The following COL1A2 variants were observed in gnomAD, a reference collection of about 807,000 sequenced individuals.
The protein encoded by COL1A2 is collagen alpha-2(I) chain.
In COL1A2, 49 loss-of-function variants were observed where a neutral mutation model predicts 174.3. That is an observed-to-expected ratio of 0.28 (90% CI 0.22 to 0.36). The LOEUF (loss-of-function observed/expected upper bound fraction) is 0.36. COL1A2 is among the 10% of genes least tolerant of loss of function. COL1A2 has a pLI of 1.00. For missense variants in COL1A2, 1,438 were observed against 1,822.7 expected (o/e 0.79, Z 3.84); for synonymous variants, 655 against 606.6 (o/e 1.08, Z -1.17).
rs1399513757 is a variant in COL1A2 at position 94,414,239 on chromosome 7, A to G, written c.1683A>G (p.Ser561=). ...ATTTTTAGGGTCTGCCTGGCCCCTCAGGTCCCGCTGGTGAAGTTGGCAAAC... is the reference window on the plus strand; with the variant it reads ...ATTTTTAGGGTCTGCCTGGCCCCTCGGGTCCCGCTGGTGAAGTTGGCAAAC... The part of the protein sequence containing the change: ...PPGFQGLPGP[S]GPAGEVGKPG... Residue 561 remains serine (S), a synonymous_variant, in exon 29 of 52, where the codon TCA becomes TCG. Transcript: ENST00000297268. The G allele has an allele frequency of 1.4e-5, 22 of 1,613,688 alleles. No homozygotes were observed. Among genetic ancestry groups the G allele is most frequent in the Non-Finnish European group, 1.7e-5 (20 of 1,179,924 alleles).
intron 4 of COL1A2, among the ~76,000 whole-genome samples, chr7:94,399,608 A>G (rs573448780): frequency 2.0e-4 from 31 of 152,228 alleles, no homozygotes; most frequent in Non-Finnish European, 3.7e-4. Flanking sequence ...ACTTTTGCCA[A>G]TATATGAATA....
At chr7:94,407,071 G>A (rs1791817685) in intron 12 of COL1A2, among the ~76,000 whole-genome samples, 1 of 152,142 alleles carries the variant, frequency 6.6e-6, no homozygotes, top group East Asian at 1.9e-4. Flanking sequence ...GCTGCAAGGA[G>A]CTTTGGAGAC....
At position 94,399,087 on chromosome 7, in the gene COL1A2, G is replaced by A. The variant is rs1262984429; in HGVS notation, c.132+3G>A. ...ATAGAGGACCACGTGGAGAAAGGGT[G>A]TGTAATTTTTGAACTATAAAGGGCT... On this transcript the variant is annotated splice_donor_region_variant and intron_variant, in intron 4 of 51. Transcript: ENST00000297268. 2 of 1,613,484 alleles carry A rather than the reference G, an allele frequency of 1.2e-6. No homozygotes were observed. The highest frequency in any genetic ancestry group is 1.3e-5 in the African/African-American group (1 of 74,894).
chr7:94,411,814 A>C (rs1791933899), intron 23 of COL1A2, among the ~76,000 whole-genome samples: 1 of 152,210 alleles, frequency 6.6e-6, no homozygotes, highest in Non-Finnish European at 1.5e-5. Context: ...CATGTTGCTT[A>C]ACAGTTTCTT....
chr7:94,404,888 A>C lies in COL1A2; in HGVS notation c.428A>C (p.Glu143Ala). The C allele has an allele frequency of 2.5e-6, 4 of 1,614,014 alleles. No individual in the cohort carries two copies. The highest frequency in any genetic ancestry group is 3.4e-6 in the Non-Finnish European group (4 of 1,179,956). ...GCTGGCCCTCCTGGCAAGGCTGGTG[A>C]AGATGTAAGTATTTACTCTTAAGCA... ...GPAGPPGKAGEDGHPGKPGRP... is the reference protein window; with the variant it reads ...GPAGPPGKAGADGHPGKPGRP... The change falls in exon 9 of 52, where the codon GAA (glutamate) becomes GCA (alanine). Residue 143 changes from glutamate to alanine, a missense_variant. Transcript: ENST00000297268.
chr7:94,414,178 A>T, intron 28 of COL1A2, 44 bp from the exon 29 acceptor site: 1 of 1,599,886 alleles, frequency 6.3e-7, no homozygotes, highest in Non-Finnish European at 8.6e-7. Context: ...AAATCTCCTG[A>T]ACGTAGCCAT....
At chr7:94,426,324 C>G in intron 45 of COL1A2, 99 bp from the exon 46 acceptor site, 18 of 1,135,758 alleles carry the variant, frequency 1.6e-5, no homozygotes, top group Non-Finnish European at 2.3e-5. Context: ...ATTACATGTC[C>G]TGAGTTACCT....
In COL1A2 at chr7:94,408,208, G is replaced by C. The variant is rs768685440; in HGVS notation, c.665G>C (p.Arg222Thr). The C allele has an allele frequency of 3.7e-6, 6 of 1,613,870 alleles. No homozygotes were observed. In the African/African-American group the frequency reaches 6.7e-5, roughly 18 times the overall value. The change falls in exon 14 of 52, where the codon AGA becomes ACA. Residue 222 changes from arginine (R) to threonine (T), a missense_variant. By Grantham distance (71) the Arg-to-Thr change is moderately conservative. Coordinates refer to ENST00000297268, the MANE Select transcript of COL1A2 (RefSeq NM_000089.4). The part of the protein sequence containing the change: ...QTGARGLPGE[R>T]GRVGAPGPAG... The stretch of plus-strand genomic sequence containing the variant: ...GGAGCCCGTGGGCTTCCTGGTGAGA[G>C]AGGACGTGTTGGTGCCCCTGGCCCA...
chr7:94,409,265 CAG>C, intron 16 of COL1A2, 55 bp from the exon 17 acceptor site: 1 of 1,460,216 alleles, frequency 6.8e-7, no homozygotes, highest in Admixed American at 1.7e-5. Context: ...ATCTTAAAAA[CAG>C]ATATGCTGTT....
At chr7:94,401,360 C>T (rs1232553733) in intron 5 of COL1A2, among the ~76,000 whole-genome samples, 1 of 151,978 alleles carries the variant, frequency 6.6e-6, no homozygotes, top group African/African-American at 2.4e-5. Flanking sequence ...AAAGAGGTGT[C>T]GGCCAAGTTT....
chr7:94,412,034 T>A (rs1791939124), intron 23 of COL1A2, 34 bp from the exon 24 acceptor site: 1 of 1,571,030 alleles, frequency 6.4e-7, no homozygotes, highest in East Asian at 2.3e-5. Context: ...TAAGTTAAAG[T>A]GCCAATATAA....
intron 5 of COL1A2, among the ~76,000 whole-genome samples, chr7:94,401,121 G>A (rs1791679460): frequency 1.3e-5 from 2 of 152,158 alleles, no homozygotes; most frequent in Non-Finnish European, 2.9e-5. Context: ...TGAAACTCCA[G>A]CAAGAAAAAG....
Position 94,395,094 on chromosome 7 carries a change from A to G in COL1A2, c.63A>G (p.Thr21=). 1.9e-6 allele frequency: 3 copies of G among 1,613,980 alleles called. No individual in the cohort carries two copies. The highest frequency in any genetic ancestry group is 2.5e-6 in the Non-Finnish European group (3 of 1,179,944). ...TTGCAGTAACCTTATGCCTAGCAAC[A>G]TGCCAATGTAAGTGCCTTCAGCTTG... ...LLLAVTLCLA[T]CQSLQEETVR... The change falls in exon 1 of 52, where the codon ACA becomes ACG. Residue 21 remains threonine, a synonymous_variant. Transcript: ENST00000297268.
intron 32 of COL1A2, among the ~76,000 whole-genome samples, chr7:94,418,254 G>T (rs557133824): frequency 2.2e-4 from 34 of 152,256 alleles, no homozygotes; most frequent in South Asian, 6.2e-4. Flanking sequence ...TATGCTTCAG[G>T]AGAGTGTACG....
intron 50 of COL1A2, 72 bp from the exon 51 acceptor site, chr7:94,429,116 T>TG (rs34888194): frequency 1.6e-6 from 2 of 1,220,538 alleles, no homozygotes; most frequent in African/African-American, 3.2e-5. Flanking sequence ...TTCTTTTTTT[T>TG]TTTTTTCATG....
Position 94,395,005 on chromosome 7 carries a change from A to T in COL1A2, c.-27A>T. The T allele has an allele frequency of 1.2e-6, 2 of 1,610,114 alleles. No homozygotes were observed. The highest frequency in any genetic ancestry group is 2.2e-5 in the South Asian group (2 of 90,938). Reference sequence around the variant, plus strand: ...GGTGACCCAGGGGCTCTGCGACACAAGGAGTCTGCATGTCTAAGTGCTAGA... The same window carrying T: ...GGTGACCCAGGGGCTCTGCGACACATGGAGTCTGCATGTCTAAGTGCTAGA... On this transcript the variant is annotated 5_prime_UTR_variant, in exon 1 of 52. The change creates a new upstream start codon in the 5' untranslated region. Coordinates refer to ENST00000297268, the MANE Select transcript of COL1A2 (RefSeq NM_000089.4).
chr7:94,404,788 G>T, intron 8 of COL1A2, 42 bp downstream of exon 8: 1 of 1,614,058 alleles, frequency 6.2e-7, no homozygotes, highest in Non-Finnish European at 8.5e-7. Context: ...TTTTTTCCAG[G>T]AAGTTTATGA....
rs571093429 is a variant in COL1A2, at chr7:94,427,735, C to T, written c.3376C>T (p.Pro1126Ser). 6.2e-7 allele frequency: 1 copy of T among 1,614,132 alleles called. No individual in the cohort carries two copies. Among genetic ancestry groups the T allele is most frequent in the East Asian group, 2.2e-5 (1 of 44,860 alleles). The change falls in exon 49 of 52, where the codon CCT (proline) becomes TCT (serine). Residue 1126 changes from proline to serine, a missense_variant. Pro to Ser is a moderately conservative substitution (Grantham distance 74, BLOSUM62 -1). Coordinates refer to ENST00000297268, the MANE Select transcript of COL1A2 (RefSeq NM_000089.4). ...FYRADQPRSA[P>S]SLRPKDYEVD... ...CAGGGCTGACCAGCCTCGCTCAGCA[C>T]CTTCTCTCAGACCCAAGGACTATGA...
chr7:94,408,991 A>C (rs1791861510), intron 16 of COL1A2, among the ~76,000 whole-genome samples, 168 bp downstream of exon 16: 2 of 152,210 alleles, frequency 1.3e-5, no homozygotes, highest in African/African-American at 4.8e-5. Context: ...CTACATTTGA[A>C]ATAGATCATT....
Sources: gnomAD v4.1 joint callset for allele counts (sites outside exome capture counted in the v4.1 genomes callset) on GRCh38, gnomAD v4.1.1 for gene constraint, MANE v1.5 for transcripts, NCBI Gene and HGNC (gene_info 2026-07-23, HGNC 2026-07-21) for gene names.